Variants in KANK4 observed in about 807,000 individuals in gnomAD.
KANK4 encodes the protein KN motif and ankyrin repeat domains 4, also known as KN motif and ankyrin repeat domain-containing protein 4.
Under a neutral mutation model 80.8 loss-of-function variants are expected in KANK4, and 50 were observed. The observed-to-expected ratio is 0.62, with a 90% confidence interval of 0.49 to 0.78. KANK4 has a LOEUF of 0.78. KANK4 is among the 30% of genes least tolerant of loss of function. The pLI, the probability that KANK4 is intolerant of heterozygous loss-of-function variation, is 0.00. For missense variants in KANK4, 1,196 were observed against 1,240.1 expected (o/e 0.96, Z 0.53); for synonymous variants, 465 against 506.9 (o/e 0.92, Z 1.11).
chr1:62,294,917 C>T (rs192224773), intron 1 of KANK4, among the ~76,000 whole-genome samples: 23 of 152,346 alleles, frequency 1.5e-4, no homozygotes, highest in Admixed American at 9.8e-4. Flanking sequence ...GATGGGATTC[C>T]TTCAGTGTTC....
intron 2 of KANK4, among the ~76,000 whole-genome samples, chr1:62,277,270 G>A (rs1230475762): frequency 6.6e-6 from 1 of 152,150 alleles, no homozygotes; most frequent in African/African-American, 2.4e-5. Flanking sequence ...ATTTTTCCTA[G>A]GTAGGAGAGG....
At position 62,292,856 on chromosome 1, in the gene KANK4, C is replaced by A. The variant is rs146201848; in HGVS notation, c.-70-11222G>T. ...ATGCTGCTTTTCCTATATATTGAGA[C>A]CTTGGGCAAGTTAACTAACTCGTCT... is the stretch of plus-strand genomic sequence containing the variant. On this transcript the variant is annotated intron_variant, in intron 1 of 9. Transcript: ENST00000371153. Among the ~76,000 whole-genome samples the A allele has an allele frequency of 1.8e-3, 274 of 152,248 alleles. 2 individuals are homozygous for A. The highest frequency in any genetic ancestry group is 2.7e-3 in the Non-Finnish European group (187 of 68,032).
chr1:62,290,337 C>T (rs535238489), intron 1 of KANK4, among the ~76,000 whole-genome samples: 29 of 152,298 alleles, frequency 1.9e-4, no homozygotes, highest in African/African-American at 3.4e-4. Context: ...GCCTGACAGA[C>T]GGTCCTCACT....
At chr1:62,304,508 T>A (rs555074643) in intron 1 of KANK4, among the ~76,000 whole-genome samples, 2 of 151,958 alleles carry the variant, frequency 1.3e-5, no homozygotes, top group Non-Finnish European at 2.9e-5. Context: ...TCCAGGATTC[T>A]CCCCTTCTAG....
At chr1:62,275,949 GAGAA>G (rs1672304130) in intron 2 of KANK4, among the ~76,000 whole-genome samples, 1 of 150,826 alleles carries the variant, frequency 6.6e-6, no homozygotes, top group African/African-American at 2.4e-5. Flanking sequence ...GGAAGGAAGA[GAGAA>G]AGAAAGAAAT....
At chr1:62,315,110 T>A (rs142897506) in intron 1 of KANK4, among the ~76,000 whole-genome samples, 4 of 152,270 alleles carry the variant, frequency 2.6e-5, no homozygotes, top group African/African-American at 9.6e-5. Flanking sequence ...AAAGGCCCAT[T>A]AGAAGCCTCT....
intron 2 of KANK4, among the ~76,000 whole-genome samples, chr1:62,280,289 C>G (rs1482374434): frequency 1.3e-5 from 2 of 152,156 alleles, no homozygotes; most frequent in African/African-American, 4.8e-5. Context: ...AAGGAGGGAG[C>G]CTTTCTTGGG....
chr1:62,259,815 TTA>T (rs1366558384), intron 7 of KANK4, among the ~76,000 whole-genome samples: 3 of 150,894 alleles, frequency 2.0e-5, no homozygotes, highest in Non-Finnish European at 4.4e-5. Flanking sequence ...TAAATTTAAA[TTA>T]TATTTAGCAG....
chr1:62,286,591 A>C (rs1310121591), intron 1 of KANK4, among the ~76,000 whole-genome samples: 1 of 152,234 alleles, frequency 6.6e-6, no homozygotes, highest in African/African-American at 2.4e-5. Context: ...CGAATCTGGC[A>C]GCTCATCTGA....
chr1:62,313,788 G>A (rs1644517051), intron 1 of KANK4, among the ~76,000 whole-genome samples: 1 of 152,090 alleles, frequency 6.6e-6, no homozygotes, highest in African/African-American at 2.4e-5. Flanking sequence ...GATAGGTGCA[G>A]CAAACCACCA....
intron 1 of KANK4, among the ~76,000 whole-genome samples, chr1:62,311,397 T>C (rs575881423): frequency 3.4e-4 from 51 of 152,082 alleles, no homozygotes; most frequent in African/African-American, 1.2e-3. Flanking sequence ...ACAAGTTCGA[T>C]AAAAGGTAGC....
Position 62,299,481 on chromosome 1 carries a change from G to T in KANK4, c.-70-17847C>A, listed in dbSNP as rs143241564. ...AACATGGCACAGTACAGGACCGGGG[G>T]TGCAGAGGTAGAGAATGGGCAGCAG... On this transcript the variant is annotated intron_variant, in intron 1 of 9. Coordinates refer to ENST00000371153, the MANE Select transcript of KANK4 (RefSeq NM_181712.5). Among the ~76,000 whole-genome samples the T allele has an allele frequency of 7.2e-5, 11 of 152,240 alleles. No homozygotes were observed. In the East Asian group the frequency reaches 2.1e-3, roughly 29 times the overall value.
intron 1 of KANK4, among the ~76,000 whole-genome samples, chr1:62,291,423 AT>A (rs1672675878): frequency 6.6e-6 from 1 of 152,058 alleles, no homozygotes; most frequent in Non-Finnish European, 1.5e-5. Flanking sequence ...TTCCAGCTTC[AT>A]TTTTTTGTAT....
chr1:62,277,729 T>C (rs906600281), intron 2 of KANK4, among the ~76,000 whole-genome samples: 1 of 152,226 alleles, frequency 6.6e-6, no homozygotes, highest in Admixed American at 6.5e-5. Flanking sequence ...CCAGTCACCC[T>C]AGCCCAGATG....
chr1:62,281,484 G>A (rs1388601679), intron 2 of KANK4, 65 bp downstream of exon 2: 7 of 1,596,442 alleles, frequency 4.4e-6, no homozygotes, highest in Non-Finnish European at 6.0e-6. Context: ...CAGGATTTGT[G>A]GCAACAATTC....
rs539117780 is a variant in KANK4, at chr1:62,247,725, C to A, written c.2683-53G>T. ...GAGGTTGCTGCCAGTGGGGAAGGAC[C>A]CCCTCTCCAGCCTGGGTGTGCTCAT... On this transcript the variant is annotated intron_variant, in intron 8 of 9. Transcript: ENST00000371153. The A allele has an allele frequency of 1.3e-5, 20 of 1,498,314 alleles. No individual in the cohort carries two copies. In the African/African-American group the frequency reaches 2.5e-4, roughly 19 times the overall value. The allele number at this position is 1,498,314 out of a possible 1,614,324, so 92.8% of individuals were successfully genotyped here.
rs547736858 is a variant in KANK4, at chr1:62,274,048, C to G, written c.1056G>C (p.Leu352=). The G allele has an allele frequency of 6.2e-7, 1 of 1,614,226 alleles. No individual in the cohort carries two copies. Among genetic ancestry groups the G allele is most frequent in the South Asian group, 1.1e-5 (1 of 91,082 alleles). The change falls in exon 3 of 10, where the codon CTG becomes CTC. Residue 352 remains leucine, a synonymous_variant. Transcript: ENST00000371153. ...CGGTTCTTCCAGACAACTCTCCCTC[C>G]AGGGCCGAGACCTGCTGTTTCAGGC... The part of the protein sequence containing the change: ...ISSLKQQVSA[L]EGELSGRTEE...
At chr1:62,317,483 T>C (rs768283216) in intron 1 of KANK4, among the ~76,000 whole-genome samples, 1 of 152,158 alleles carries the variant, frequency 6.6e-6, no homozygotes, top group Admixed American at 6.5e-5. Context: ...AACTGCTCAT[T>C]ATTACAGTTC....
intron 1 of KANK4, among the ~76,000 whole-genome samples, chr1:62,318,326 G>A (rs1644559232): frequency 6.6e-6 from 1 of 152,232 alleles, no homozygotes; most frequent in Non-Finnish European, 1.5e-5. Context: ...CAGGGCAAGA[G>A]TTAGGTTCAG....
Sources: allele counts gnomAD v4.1 joint callset (sites outside exome capture counted in the v4.1 genomes callset), GRCh38; gene constraint gnomAD v4.1.1; transcripts MANE v1.5; gene names NCBI Gene and HGNC (gene_info 2026-07-23, HGNC 2026-07-21).